The following THTPA variants were observed in gnomAD, a reference collection of about 807,000 sequenced individuals.
THTPA encodes thiamine-triphosphatase.
In THTPA, 16 loss-of-function variants were observed where a neutral mutation model predicts 16.5. That is an observed-to-expected ratio of 0.97 (90% CI 0.66 to 1.47). THTPA has a LOEUF of 1.47. THTPA is among the 40% of genes most tolerant of loss of function. THTPA has a pLI of 0.00. For synonymous variants in THTPA, 110 were observed against 115.5 expected, an observed-to-expected ratio of 0.95 and a Z score of 0.30; for missense variants, 281 against 280.9, an observed-to-expected ratio of 1.00 and a Z score of 0.00.
Position 23,559,948 on chromosome 14 carries a change from T to C in THTPA, c.*1108T>C, listed in dbSNP as rs375486046. The C allele has an allele frequency of 6.1e-5, 98 of 1,613,018 alleles. No homozygotes were observed. Among genetic ancestry groups the C allele is most frequent in the Admixed American group, 5.0e-4 (30 of 59,942 alleles). Reference sequence around the variant, plus strand: ...ACTCCTGAAGCTCACCTTGTTAGGATTGAGGATTCTGAAGAGCTGGGTGAT... The same window carrying C: ...ACTCCTGAAGCTCACCTTGTTAGGACTGAGGATTCTGAAGAGCTGGGTGAT... On this transcript the variant is annotated 3_prime_UTR_variant, in exon 2 of 2. Transcript: ENST00000288014.
the THTPA span, chr14:23,531,354 C>T: frequency 7.9e-7 from 1 of 1,272,384 alleles, no homozygotes; most frequent in Non-Finnish European, 1.0e-6. Context: ...AGCTTCTTCC[C>T]ATTTAGTATA....
rs1882883618 is a variant in THTPA, at chr14:23,558,730, A to AT, written c.585dup (p.Val196CysfsTer28). 6.2e-7 allele frequency: 1 copy of AT among 1,614,162 alleles called. No homozygotes were observed. Among genetic ancestry groups the AT allele is most frequent in the African/African-American group, 1.3e-5 (1 of 75,020 alleles). ...ACAGGAGACAGCACCAGCCAAGCTG[A>AT]TTGTGTATCTACAGCGTTTCCGGCC... On this transcript the variant is annotated frameshift_variant, in exon 2 of 2. Transcript: ENST00000288014. LOFTEE classifies it low-confidence loss of function (END_TRUNC).
upstream of THTPA, among the ~76,000 whole-genome samples, chr14:23,552,611 G>GT (rs1301326014): frequency 1.3e-5 from 2 of 149,534 alleles, no homozygotes; most frequent in Non-Finnish European, 1.5e-5. Flanking sequence ...TTGTTTGTTT[G>GT]TTTTTTTCTT....
At chr14:23,545,711 C>G in the THTPA span, among the ~76,000 whole-genome samples, 1 of 152,308 alleles carries the variant, frequency 6.6e-6, no homozygotes, top group East Asian at 1.9e-4. Flanking sequence ...AAGCAGACCA[C>G]TGATACAGAA....
At chr14:23,527,480 G>T in the THTPA span, 1 of 1,250,924 alleles carries the variant, frequency 8.0e-7, no homozygotes, top group Non-Finnish European at 1.1e-6. Context: ...GCCAACACAC[G>T]CACTTGCCTG....
At chr14:23,547,184 C>A in the THTPA span, among the ~76,000 whole-genome samples, 1 of 152,238 alleles carries the variant, frequency 6.6e-6, no homozygotes, top group Admixed American at 6.5e-5. Flanking sequence ...AAGGCCATCC[C>A]TCACAGGGTT....
the THTPA span, among the ~76,000 whole-genome samples, chr14:23,542,426 G>C: frequency 6.6e-6 from 1 of 152,094 alleles, no homozygotes; most frequent in East Asian, 1.9e-4. Context: ...GCTACTGATG[G>C]GGGTGGGTGT....
the THTPA span, chr14:23,531,382 C>A: frequency 7.5e-7 from 1 of 1,329,302 alleles, no homozygotes; most frequent in South Asian, 2.2e-5. Context: ...TACAGGCCCT[C>A]TTCGCCTTCC....
chr14:23,512,155 A>G, the THTPA span, among the ~76,000 whole-genome samples: 152 of 152,210 alleles, frequency 1.0e-3, 3 homozygotes, highest in East Asian at 0.018. Flanking sequence ...TCAGTAGCTA[A>G]TTAATGATTG....
the THTPA span, chr14:23,528,904 G>C: frequency 2.2e-6 from 2 of 906,226 alleles, no homozygotes; most frequent in Non-Finnish European, 2.6e-6. Flanking sequence ...TCAGGGAGGG[G>C]ATGACTGTAA....
chr14:23,522,823 GGT>G, the THTPA span: 1 of 1,535,352 alleles, frequency 6.5e-7, no homozygotes, highest in African/African-American at 1.4e-5. Flanking sequence ...TGGAGGTGTT[GGT>G]TTGGTCGGGC....
chr14:23,514,126 G>A, the THTPA span: 1 of 152,442 alleles, frequency 6.6e-6, no homozygotes, highest in African/African-American at 2.4e-5. Context: ...GAGGTTGACA[G>A]TGCCTCTTGC....
At chr14:23,529,538 C>T in the THTPA span, 4 of 659,020 alleles carry the variant, frequency 6.1e-6, no homozygotes, top group East Asian at 5.6e-5. Context: ...GCCAGCTCTG[C>T]CCCCGAAAGT....
chr14:23,560,154 G>T lies in THTPA; in HGVS notation c.*1314G>T. The T allele has an allele frequency of 6.7e-7, 1 of 1,493,774 alleles. No homozygotes were observed. Among genetic ancestry groups the T allele is most frequent in the Non-Finnish European group, 9.2e-7 (1 of 1,088,986 alleles). The allele number at this position is 1,493,774 out of a possible 1,614,324, so 92.5% of individuals were successfully genotyped here. On this transcript the variant is annotated 3_prime_UTR_variant, in exon 2 of 2. Transcript: ENST00000288014. ...ACTCCCCAAGTGCTGATCTCCAGAT[G>T]ACTCAATCCCATCTCACACTGTCTC...
At chr14:23,531,305 C>A in the THTPA span, 1 of 975,630 alleles carries the variant, frequency 1.0e-6, no homozygotes, top group Non-Finnish European at 1.3e-6. Flanking sequence ...AGGTAGCCTC[C>A]ACAGTGCCTG....
At chr14:23,547,168 G>C in the THTPA span, among the ~76,000 whole-genome samples, 1 of 152,354 alleles carries the variant, frequency 6.6e-6, no homozygotes, top group Admixed American at 6.5e-5. Context: ...TGGAGAGTCA[G>C]ATGTCAAGGC....
At chr14:23,528,701 CCTT>C in the THTPA span, 19 of 985,272 alleles carry the variant, frequency 1.9e-5, no homozygotes, top group East Asian at 2.3e-4. Context: ...CTTTCTTTTT[CCTT>C]CTTCTTTTTC....
the THTPA span, chr14:23,523,127 A>G: frequency 2.9e-6 from 4 of 1,400,016 alleles, no homozygotes; most frequent in Non-Finnish European, 3.7e-6. The surrounding 1 kb of genome is among the most constrained non-coding windows in gnomAD (Gnocchi z 4.1). Context: ...GGGAAGAATC[A>G]GGAAGGAAAA....
At chr14:23,546,321 A>T in the THTPA span, among the ~76,000 whole-genome samples, 1 of 152,188 alleles carries the variant, frequency 6.6e-6, no homozygotes, top group Non-Finnish European at 1.5e-5. The surrounding 1 kb of genome is among the most constrained non-coding windows in gnomAD (Gnocchi z 4.7). Flanking sequence ...ATACAGAAAG[A>T]GGGCTCCTGT....
Sources: allele counts gnomAD v4.1 joint callset (sites outside exome capture counted in the v4.1 genomes callset), GRCh38; gene constraint gnomAD v4.1.1; non-coding constraint Gnocchi (gnomAD v3.1); transcripts MANE v1.5; gene names NCBI Gene and HGNC (gene_info 2026-07-23, HGNC 2026-07-21).